SHF: variants seen among roughly 807,000 people sequenced by gnomAD.
SHF encodes the protein Src homology 2 domain containing F, also known as SH2 domain-containing adapter protein F.
SHF carries 30 observed loss-of-function variants against 42.4 expected under a neutral mutation model. The observed-to-expected ratio is 0.71, with a 90% confidence interval of 0.53 to 0.96. The LOEUF is 0.96. SHF is among the 40% of genes least tolerant of loss of function. The pLI, the probability that SHF is intolerant of heterozygous loss-of-function variation, is 0.00. For missense variants in SHF, 598 were observed against 634.0 expected (o/e 0.94, Z 0.61); for synonymous variants, 264 against 269.9 (o/e 0.98, Z 0.21).
intron 2 of SHF, among the ~76,000 whole-genome samples, chr15:45,192,987 C>T (rs1898752438): frequency 6.6e-6 from 1 of 152,196 alleles, no homozygotes; most frequent in African/African-American, 2.4e-5. Flanking sequence ...TAGGCTTGAT[C>T]ACTTGGTTAA....
intron 1 of SHF, among the ~76,000 whole-genome samples, chr15:45,182,069 A>T (rs1476669685): frequency 1.3e-5 from 2 of 152,184 alleles, no homozygotes; most frequent in Non-Finnish European, 2.9e-5. Context: ...AGCAGCTGTC[A>T]TACTTTGAAT....
intron 2 of SHF, among the ~76,000 whole-genome samples, chr15:45,196,714 G>A (rs1339777071): frequency 2.0e-5 from 3 of 151,952 alleles, no homozygotes; most frequent in South Asian, 2.1e-4. Context: ...TGGCTAACAC[G>A]GTGAAACCCT....
chr15:45,193,791 C>T (rs749037227), intron 2 of SHF, among the ~76,000 whole-genome samples: 1 of 152,098 alleles, frequency 6.6e-6, no homozygotes, highest in Non-Finnish European at 1.5e-5. Flanking sequence ...TCATGCAGGA[C>T]AGGAGGTAGC....
chr15:45,176,876 T>C (rs1477097419), intron 2 of SHF, among the ~76,000 whole-genome samples: 1 of 152,208 alleles, frequency 6.6e-6, no homozygotes, highest in Non-Finnish European at 1.5e-5. Flanking sequence ...ACTTTCTCCA[T>C]TTCTGTCTAC....
In SHF at chr15:45,172,346, C is replaced by G. The variant is rs1897550985; in HGVS notation, c.989-28G>C. 3 of 1,559,406 alleles carry G rather than the reference C, an allele frequency of 1.9e-6. No individual in the cohort carries two copies. In the East Asian group the frequency reaches 6.7e-5, roughly 35 times the overall value. ...GTGGGGAACATATCAATCATGGACT[C>G]TAAGGACCCTAGAGGTCCTCAGAGG... On this transcript the variant is annotated intron_variant, in intron 4 of 6. Coordinates refer to ENST00000690270, the MANE Select transcript of SHF (RefSeq NM_001394037.1).
chr15:45,198,705 CT>C, intron 2 of SHF: 1 of 1,536,972 alleles, frequency 6.5e-7, no homozygotes, highest in East Asian at 2.3e-5. Flanking sequence ...TAGGGGTTGG[CT>C]TCTGATTATC....
In SHF at chr15:45,179,463, C is replaced by T. The variant is rs530398762; in HGVS notation, c.499-1157G>A. ...CTTCACTTTGGCCCTTCACTTCCTACGCTGCCCCTTTCTCCCACACAAGTG... is the reference window on the plus strand; with the variant it reads ...CTTCACTTTGGCCCTTCACTTCCTATGCTGCCCCTTTCTCCCACACAAGTG... On this transcript the variant is annotated intron_variant, in intron 1 of 6. Coordinates refer to ENST00000690270, the MANE Select transcript of SHF (RefSeq NM_001394037.1). Among the ~76,000 whole-genome samples the T allele has an allele frequency of 9.0e-5, 10 of 111,018 alleles. No individual in the cohort carries two copies. The South Asian group carries it at 1.4e-3, about 15-fold the overall frequency. The allele number at this position is 111,018 out of a possible 152,430, so 72.8% of individuals were successfully genotyped here. A position where few individuals can be genotyped will look rare whatever the true frequency, so the allele number is the denominator to read the frequency against.
chr15:45,172,007 G>A lies in SHF; in HGVS notation c.1161-5C>T, dbSNP rs775907634. 1 of 1,613,920 alleles carries A rather than the reference G, an allele frequency of 6.2e-7. No individual in the cohort carries two copies. The highest frequency in any genetic ancestry group is 2.2e-5 in the East Asian group (1 of 44,880). ...CTGATGGCCCCGTGATACCAGCTAA[G>A]GATGAGAGAGAGGAAGGGGGGCATC... On this transcript the variant is annotated splice_region_variant and splice_polypyrimidine_tract_variant and intron_variant, in intron 5 of 6. Transcript: ENST00000690270.
intron 1 of SHF, among the ~76,000 whole-genome samples, chr15:45,184,571 C>T (rs1444948593): frequency 3.3e-5 from 5 of 152,232 alleles, no homozygotes; most frequent in African/African-American, 1.2e-4. Flanking sequence ...ACCCCAAACA[C>T]GTATCTTGGC....
intron 4 of SHF, among the ~76,000 whole-genome samples, chr15:45,172,991 G>A (rs945073899): frequency 8.5e-5 from 13 of 152,170 alleles, no homozygotes; most frequent in African/African-American, 2.9e-4. Context: ...GCACGTGCAC[G>A]TACGGACAGA....
At position 45,198,107 on chromosome 15, in the gene SHF, A is replaced by C. The variant is rs146830361; in HGVS notation, c.303+665T>G. On this transcript the variant is annotated intron_variant, in intron 2 of 7. Coordinates refer to the SHF transcript ENST00000290894. ...AAAAACAATTTTTTTTAAAATTAAA[A>C]AAACAAACAAAAAAAAATTATCCGA... Among the ~76,000 whole-genome samples the C allele has an allele frequency of 1.2e-3, 182 of 152,016 alleles. 4 individuals are homozygous for C. In the East Asian group the frequency reaches 0.032, roughly 27 times the overall value.
intron 2 of SHF, among the ~76,000 whole-genome samples, chr15:45,193,189 T>C (rs1258282349): frequency 1.3e-5 from 2 of 152,256 alleles, no homozygotes; most frequent in Non-Finnish European, 2.9e-5. Flanking sequence ...TGTAATTCTA[T>C]GAACTCAAAA....
Position 45,172,322 on chromosome 15 carries a change from T to C in SHF, c.989-4A>G. 6.3e-7 allele frequency: 1 copy of C among 1,591,200 alleles called. No individual in the cohort carries two copies. The highest frequency in any genetic ancestry group is 8.6e-7 in the Non-Finnish European group (1 of 1,169,022). ...TTCTCCGGTCCTTCAAACTGGGCTG[T>C]GGGGAACATATCAATCATGGACTCT... On this transcript the variant is annotated splice_polypyrimidine_tract_variant and splice_region_variant and intron_variant, in intron 4 of 6. Coordinates refer to ENST00000690270, the MANE Select transcript of SHF (RefSeq NM_001394037.1).
intron 2 of SHF, 56 bp from the exon 3 acceptor site, chr15:45,175,481 C>T: frequency 6.6e-7 from 1 of 1,526,422 alleles, no homozygotes. Flanking sequence ...CTTTCTGGCT[C>T]CCCTCCTCCA....
intron 1 of SHF, among the ~76,000 whole-genome samples, chr15:45,181,585 A>G (rs1023775801): frequency 6.6e-6 from 1 of 152,222 alleles, no homozygotes; most frequent in African/African-American, 2.4e-5. Context: ...GCTGGCACAC[A>G]GTAGGTACTC....
In SHF at chr15:45,197,825, A is replaced by AG. The variant is rs200694945; in HGVS notation, c.303+946dup. 6.8e-3 allele frequency among the ~76,000 whole-genome samples: 389 copies of AG among 56,794 alleles called. 4 individuals are homozygous for AG. Among genetic ancestry groups the AG allele is most frequent in the African/African-American group, 0.015 (367 of 24,408 alleles). 37.3% of individuals were successfully genotyped at this position (56,794 alleles called of 152,430 possible). The stretch of plus-strand genomic sequence containing the variant: ...TGTTCTGTTCACATTCCATCACCTC[A>AG]GGAAAAAAAAAAAAAAAAAAGAGAG... On this transcript the variant is annotated intron_variant, in intron 2 of 7. Transcript: ENST00000290894.
chr15:45,180,843 A>G (rs916828870), intron 1 of SHF, among the ~76,000 whole-genome samples: 1 of 152,228 alleles, frequency 6.6e-6, no homozygotes, highest in Non-Finnish European at 1.5e-5. Flanking sequence ...AATTCCTGAC[A>G]GTGTTAACTC....
chr15:45,171,632 G>A, intron 6 of SHF: 1 of 552,766 alleles, frequency 1.8e-6, no homozygotes, highest in Non-Finnish European at 3.2e-6. Flanking sequence ...GCCTAGAGAG[G>A]TTAAGGGGGC....
At chr15:45,189,748 C>CA (rs1567041326), upstream of SHF, among the ~76,000 whole-genome samples, 1 of 151,768 alleles carries the variant, frequency 6.6e-6, no homozygotes, top group Admixed American at 6.6e-5. Flanking sequence ...GAGTTCAAAG[C>CA]GGGGGGTGTA....
Sources: allele counts gnomAD v4.1 joint callset (sites outside exome capture counted in the v4.1 genomes callset), GRCh38; gene constraint gnomAD v4.1.1; transcripts MANE v1.5; gene names NCBI Gene and HGNC (gene_info 2026-07-23, HGNC 2026-07-21).